Variants in RCN2 observed in about 807,000 individuals in gnomAD.
The protein encoded by RCN2 is reticulocalbin 2.
Under a neutral mutation model 37.5 loss-of-function variants are expected in RCN2, and 23 were observed. That is an observed-to-expected ratio of 0.61 (90% CI 0.44 to 0.87). The LOEUF is 0.87. Among genes scored for constraint, RCN2 ranks in the 40% least tolerant of loss-of-function variants. RCN2 has a pLI of 0.00. For synonymous variants in RCN2, 140 were observed against 144.6 expected (o/e 0.97, Z 0.23); for missense variants, 381 against 390.4 (o/e 0.98, Z 0.20).
Position 76,953,553 on chromosome 15 carries a change from TTCTATATATA to T in RCN2, c.*4333_*4342del, listed in dbSNP as rs1453242585. On this transcript the variant is annotated 3_prime_UTR_variant, in exon 7 of 7. Transcript: ENST00000394885. ...GTGGGATTGCTGGATCATATAGTAA[TTCTATATATA>T]TATATATATATATATATATATATAT... The T allele has an allele frequency of 3.9e-5, 3 of 77,530 alleles. No homozygotes were observed. Among genetic ancestry groups the T allele is most frequent in the African/African-American group, 1.1e-4 (2 of 17,880 alleles). 4.8% of individuals were successfully genotyped at this position (77,530 alleles called of 1,614,324 possible).
Position 76,935,381 on chromosome 15 carries a change from A to G in RCN2, c.251-145A>G, listed in dbSNP as rs550052819. 71 of 614,604 alleles carry G rather than the reference A, an allele frequency of 1.2e-4. No individual in the cohort carries two copies. In the South Asian group the frequency reaches 1.3e-3, roughly 12 times the overall value. The allele number at this position is 614,604 out of a possible 1,614,324, so 38.1% of individuals were successfully genotyped here. The stretch of plus-strand genomic sequence containing the variant: ...TTCTAAACAGCCTTTCCCACTTCCT[A>G]CCCCATTTCTATTAATACAACTAGG... On this transcript the variant is annotated intron_variant, in intron 2 of 6. Coordinates refer to ENST00000394885, the MANE Select transcript of RCN2 (RefSeq NM_002902.3).
At chr15:76,947,378 AT>A (rs1463377539) in intron 4 of RCN2, 42 bp from the exon 5 acceptor site, 11 of 1,315,488 alleles carry the variant, frequency 8.4e-6, no homozygotes, top group Non-Finnish European at 1.2e-5. Context: ...GGGACTGAAC[AT>A]TTTGTAACTT....
chr15:76,936,188 A>C (rs1297889298), intron 3 of RCN2, among the ~76,000 whole-genome samples: 2 of 152,176 alleles, frequency 1.3e-5, no homozygotes, highest in East Asian at 1.9e-4. Flanking sequence ...AAAAAAAAAA[A>C]AACTGTGTCT....
chr15:76,935,996 G>T (rs2075245904), intron 3 of RCN2, among the ~76,000 whole-genome samples: 1 of 151,644 alleles, frequency 6.6e-6, no homozygotes, highest in African/African-American at 2.4e-5. Context: ...AATGTGTTTT[G>T]AATGAGTATC....
At chr15:76,941,998 C>T (rs989444325) in intron 3 of RCN2, 1 of 219,794 alleles carries the variant, frequency 4.5e-6, no homozygotes, top group Non-Finnish European at 8.8e-6. Context: ...CATGTTAAAC[C>T]TGAACATAAA....
At position 76,950,131 on chromosome 15, in the gene RCN2, G is replaced by A. The variant is rs960994924; in HGVS notation, c.*909G>A. ...TTTAATAATTGGTGTTGTAGCAAATGTGGTTTTGCTCTTTGGGGCTATAAA... is the reference window on the plus strand; with the variant it reads ...TTTAATAATTGGTGTTGTAGCAAATATGGTTTTGCTCTTTGGGGCTATAAA... On this transcript the variant is annotated 3_prime_UTR_variant, in exon 7 of 7. Transcript: ENST00000394885. 2 of 151,988 alleles carry A rather than the reference G, an allele frequency of 1.3e-5. No individual in the cohort carries two copies. The highest frequency in any genetic ancestry group is 2.4e-5 in the African/African-American group (1 of 41,380). 9.4% of individuals were successfully genotyped at this position (151,988 alleles called of 1,614,324 possible).
chr15:76,935,765 T>C (rs2075244711), intron 3 of RCN2, 43 bp downstream of exon 3: 1 of 1,463,092 alleles, frequency 6.8e-7, no homozygotes, highest in African/African-American at 1.4e-5. Flanking sequence ...TCATGTCAGT[T>C]CACTTTACCT....
intron 3 of RCN2, among the ~76,000 whole-genome samples, chr15:76,940,634 A>C (rs2075273214): frequency 7.3e-6 from 1 of 136,324 alleles, no homozygotes; most frequent in African/African-American, 2.8e-5. Context: ...CTGCAGTCTT[A>C]GCCTCCCAGA....
At chr15:76,943,641 C>A in intron 3 of RCN2, 117 bp from the exon 4 acceptor site, 1 of 607,248 alleles carries the variant, frequency 1.6e-6, no homozygotes, top group Non-Finnish European at 3.0e-6. Context: ...TTCAAAGGGA[C>A]GATGTGAAGA....
chr15:76,938,235 G>C (rs375314366), intron 3 of RCN2, among the ~76,000 whole-genome samples: 9 of 152,068 alleles, frequency 5.9e-5, no homozygotes, highest in African/African-American at 1.7e-4. Flanking sequence ...TTTAATTTTT[G>C]TTGTGGCCAT....
chr15:76,948,146 T>A, intron 5 of RCN2: 1 of 275,096 alleles, frequency 3.6e-6, no homozygotes, highest in Non-Finnish European at 6.8e-6. Flanking sequence ...AAACTAGATA[T>A]CGGAACAAAT....
At position 76,949,115 on chromosome 15, in the gene RCN2, C is replaced by T; in HGVS notation, c.847C>T (p.Leu283Phe). 1.2e-6 allele frequency: 2 copies of T among 1,612,204 alleles called. No homozygotes were observed. The highest frequency in any genetic ancestry group is 4.5e-5 in the East Asian group (2 of 44,836). ...AATGGATTTGAATGGTGACAAAAAG[C>T]TCTCTGAAGAAGAGATTCTGGAAAA... ...DEMDLNGDKK[L>F]SEEEILENPD... is the part of the protein sequence containing the mutation. The change falls in exon 7 of 7, where the codon CTC becomes TTC. Residue 283 changes from leucine (L) to phenylalanine (F), a missense_variant. Transcript: ENST00000394885.
rs181742547 is a variant in RCN2, at chr15:76,949,074, T to A, written c.806T>A (p.Leu269His). Residue 269 changes from leucine (L) to histidine (H), a missense_variant, in exon 7 of 7, where the codon CTT becomes CAT. Leu to His is a moderately conservative substitution (Grantham distance 99). Transcript: ENST00000394885. ...NNQGIAQEEA[L>H]HLIDEMDLNG... ...CTTTTTTGTTTTATTTTGAAGGCGC[T>A]TCATCTAATTGATGAAATGGATTTG... The A allele has an allele frequency of 3.6e-5, 58 of 1,594,266 alleles. No individual in the cohort carries two copies. In the Admixed American group the frequency reaches 7.7e-4, roughly 21 times the overall value.
chr15:76,950,904 G>A lies in RCN2; in HGVS notation c.*1682G>A, dbSNP rs2075318106. ...TGCCGCATCTTTGCTGATGTGAGGT[G>A]TGCTTGCAAATTGTAAGCTTCCACA... On this transcript the variant is annotated 3_prime_UTR_variant, in exon 7 of 7. Coordinates refer to ENST00000394885, the MANE Select transcript of RCN2 (RefSeq NM_002902.3). 1 of 152,216 alleles carries A rather than the reference G, an allele frequency of 6.6e-6. No homozygotes were observed. The highest frequency in any genetic ancestry group is 2.1e-4 in the South Asian group (1 of 4,836). The allele number at this position is 152,216 out of a possible 1,614,324, so 9.4% of individuals were successfully genotyped here. A position where few individuals can be genotyped will look rare whatever the true frequency, so the allele number is the denominator to read the frequency against.
intron 4 of RCN2, among the ~76,000 whole-genome samples, chr15:76,946,372 CAGTAGTTGGA>C (rs981430370): frequency 2.0e-5 from 3 of 151,994 alleles, no homozygotes; most frequent in African/African-American, 4.8e-5. Context: ...CACTTGAGTC[CAGTAGTTGGA>C]GCCTATGATG....
At chr15:76,946,935 G>A (rs1396720062) in intron 4 of RCN2, among the ~76,000 whole-genome samples, 3 of 152,164 alleles carry the variant, frequency 2.0e-5, no homozygotes, top group Non-Finnish European at 4.4e-5. Context: ...AGGAGATTGA[G>A]GTATAATGGC....
At chr15:76,941,835 A>T (rs1049700928) in intron 3 of RCN2, 1 of 451,478 alleles carries the variant, frequency 2.2e-6, no homozygotes, top group Admixed American at 3.9e-5. Flanking sequence ...GGCCAAATTT[A>T]GCTCTTCTCC....
At chr15:76,942,142 A>G (rs1434202439) in intron 3 of RCN2, 1 of 152,378 alleles carries the variant, frequency 6.6e-6, no homozygotes, top group Non-Finnish European at 1.5e-5. Context: ...GATGTTAATA[A>G]AACAAATTCT....
chr15:76,940,066 A>G (rs1596004221), intron 3 of RCN2, among the ~76,000 whole-genome samples: 1 of 152,024 alleles, frequency 6.6e-6, no homozygotes. Context: ...AAAGGAATAG[A>G]TTGATCCCGA....
Sources: allele counts gnomAD v4.1 joint callset (sites outside exome capture counted in the v4.1 genomes callset), GRCh38; gene constraint gnomAD v4.1.1; transcripts MANE v1.5; gene names NCBI Gene and HGNC (gene_info 2026-07-23, HGNC 2026-07-21).